DAB1: variants seen among roughly 807,000 people sequenced by gnomAD.
DAB1 encodes the protein disabled homolog 1.
Under a neutral mutation model 64.6 loss-of-function variants are expected in DAB1, and 15 were observed. The observed-to-expected ratio is 0.23, with a 90% CI of 0.16 to 0.36. The LOEUF is 0.36. Among genes scored for constraint, DAB1 ranks in the 10% least tolerant of loss-of-function variants. The probability of loss-of-function intolerance (pLI) is 1.00; values close to 1 mark genes in which losing one functional copy is unlikely to be tolerated. For missense variants in DAB1, 596 were observed against 706.7 expected (o/e 0.84, Z 1.78); for synonymous variants, 235 against 251.9 (o/e 0.93, Z 0.64).
chr1:57,155,487 G>GC (rs1234730998), intron 2 of DAB1, among the ~76,000 whole-genome samples: 3 of 147,732 alleles, frequency 2.0e-5, no homozygotes, highest in Non-Finnish European at 4.5e-5. Flanking sequence ...TTTTGTTTTT[G>GC]TTTTTTTTTC....
chr1:57,002,294 T>G (rs1222068459), intron 14 of DAB1, among the ~76,000 whole-genome samples: 2 of 152,196 alleles, frequency 1.3e-5, no homozygotes, highest in African/African-American at 2.4e-5. Flanking sequence ...GCCAATGATC[T>G]GCTGCAAAGA....
At chr1:57,179,628 C>A (rs1504589) in intron 2 of DAB1, among the ~76,000 whole-genome samples, 48,124 of 151,956 alleles carry the variant, frequency 0.32, 9,334 homozygotes, top group Non-Finnish European at 0.42. Context: ...CAATTTTTCC[C>A]TTGGGTTTTA....
At chr1:57,071,248 T>G in intron 6 of DAB1, 187 bp from the exon 7 acceptor site, 1 of 662,454 alleles carries the variant, frequency 1.5e-6, no homozygotes, top group Non-Finnish European at 2.5e-6. Flanking sequence ...CCACCCGCAC[T>G]GTTAACAACA....
chr1:57,204,175 C>G (rs927674423), intron 2 of DAB1, among the ~76,000 whole-genome samples: 10 of 152,166 alleles, frequency 6.6e-5, no homozygotes, highest in Non-Finnish European at 1.5e-4. Flanking sequence ...CAGGTGTGAG[C>G]TACTGTGCCC....
At chr1:58,427,489 G>C (rs958257320) in intron 3 of DAB1, among the ~76,000 whole-genome samples, 1 of 152,098 alleles carries the variant, frequency 6.6e-6, no homozygotes, top group Non-Finnish European at 1.5e-5. Context: ...ACTTAATTCA[G>C]GTGAGAGGTG....
chr1:57,546,703 G>A (rs531403850), intron 7 of DAB1, among the ~76,000 whole-genome samples: 3 of 152,234 alleles, frequency 2.0e-5, no homozygotes, highest in East Asian at 3.9e-4. Context: ...CACATAAAAC[G>A]GTGCAGTCAT....
intron 2 of DAB1, among the ~76,000 whole-genome samples, chr1:58,518,364 A>AGAAGG (rs1646205970): frequency 7.3e-6 from 1 of 136,390 alleles, no homozygotes; most frequent in Non-Finnish European, 1.6e-5. Flanking sequence ...GGAAGGGAAG[A>AGAAGG]GAAGAGAAGG....
intron 1 of DAB1, among the ~76,000 whole-genome samples, chr1:57,304,424 C>T (rs1030979281): frequency 6.8e-6 from 1 of 146,628 alleles, no homozygotes; most frequent in Admixed American, 7.0e-5. Context: ...CAGATCCAAA[C>T]TATACCACTG....
intron 4 of DAB1, among the ~76,000 whole-genome samples, chr1:58,182,334 T>G (rs1255338052): frequency 2.0e-5 from 3 of 151,936 alleles, no homozygotes; most frequent in Non-Finnish European, 2.9e-5. Context: ...ATTTTTTAAA[T>G]TAAATTTGGT....
chr1:57,918,826 A>C (rs1644769728), intron 5 of DAB1, among the ~76,000 whole-genome samples: 1 of 152,000 alleles, frequency 6.6e-6, no homozygotes, highest in South Asian at 2.1e-4. Flanking sequence ...TCCGTCTCAA[A>C]AAAAAAAAGA....
At chr1:58,359,342 G>A (rs61778963) in intron 3 of DAB1, among the ~76,000 whole-genome samples, 2,087 of 152,304 alleles carry the variant, frequency 0.014, 23 homozygotes, top group Non-Finnish European at 0.016. Flanking sequence ...CAAGGGCTTT[G>A]GCACTCATGA....
At chr1:57,680,239 T>A (rs1470132834) in intron 6 of DAB1, among the ~76,000 whole-genome samples, 1 of 152,238 alleles carries the variant, frequency 6.6e-6, no homozygotes, top group African/African-American at 2.4e-5. Context: ...GGTTCTTAGC[T>A]GGGAACTATA....
intron 3 of DAB1, among the ~76,000 whole-genome samples, chr1:58,473,335 G>A (rs1645382357): frequency 6.6e-6 from 1 of 151,936 alleles, no homozygotes; most frequent in South Asian, 2.1e-4. Context: ...GAGGTCAGGA[G>A]ATCGAGACCA....
At chr1:58,053,509 T>A (rs1647844689) in intron 5 of DAB1, among the ~76,000 whole-genome samples, 1 of 152,148 alleles carries the variant, frequency 6.6e-6, no homozygotes, top group Non-Finnish European at 1.5e-5. Flanking sequence ...AGGAAGGGCA[T>A]TACTCTATTT....
chr1:58,076,385 G>T (rs968054794), intron 5 of DAB1, among the ~76,000 whole-genome samples: 2 of 152,126 alleles, frequency 1.3e-5, no homozygotes, highest in African/African-American at 2.4e-5. Flanking sequence ...AGGCCATGCT[G>T]CCTCTTATAT....
At chr1:58,170,284 A>G (rs1207221964) in intron 4 of DAB1, among the ~76,000 whole-genome samples, 1 of 152,172 alleles carries the variant, frequency 6.6e-6, no homozygotes, top group Non-Finnish European at 1.5e-5. Context: ...GAATTATTCA[A>G]TGATGTCCAC....
At chr1:58,447,054 T>C (rs1236414621) in intron 3 of DAB1, among the ~76,000 whole-genome samples, 1 of 152,180 alleles carries the variant, frequency 6.6e-6, no homozygotes, top group Non-Finnish European at 1.5e-5. Flanking sequence ...CAAAATTGCT[T>C]TTATCTTACT....
intron 7 of DAB1, among the ~76,000 whole-genome samples, chr1:57,485,761 A>G (rs1199206741): frequency 6.6e-6 from 1 of 152,194 alleles, no homozygotes; most frequent in African/African-American, 2.4e-5. Flanking sequence ...AACACTTAGC[A>G]CTGGTGTAGA....
intron 13 of DAB1, 40 bp from the exon 14 acceptor site, chr1:57,010,830 T>A: frequency 7.0e-7 from 1 of 1,438,516 alleles, no homozygotes; most frequent in East Asian, 2.3e-5. Context: ...TTTCTCTCTT[T>A]TCAAGCATTG....
Sources: allele counts gnomAD v4.1 joint callset (sites outside exome capture counted in the v4.1 genomes callset), GRCh38; gene constraint gnomAD v4.1.1; transcripts MANE v1.5; gene names NCBI Gene and HGNC (gene_info 2026-07-23, HGNC 2026-07-21).